The following RAD54L variants were observed in gnomAD, a reference collection of about 807,000 sequenced individuals.
The protein encoded by RAD54L is DNA repair and recombination protein RAD54-like.
A neutral mutation model predicts 91.6 loss-of-function variants in RAD54L; 74 were observed. The observed-to-expected ratio is 0.81, with a 90% CI of 0.67 to 0.98. RAD54L has a LOEUF of 0.98. Ranked by LOEUF, RAD54L falls within the 50% of genes least tolerant of loss-of-function variation. The pLI, the probability that RAD54L is intolerant of heterozygous loss-of-function variation, is 0.00. For synonymous variants in RAD54L, 304 were observed against 349.7 expected (o/e 0.87, Z 1.46); for missense variants, 887 against 945.7 (o/e 0.94, Z 0.81).
At chr1:46,260,211 C>T (rs1660070632) in intron 5 of RAD54L, 112 bp downstream of exon 5, 1 of 1,505,656 alleles carries the variant, frequency 6.6e-7, no homozygotes, top group Admixed American at 1.7e-5. Flanking sequence ...CATATGTTTT[C>T]AGAGAGTAGA....
intron 7 of RAD54L, 57 bp from the exon 8 acceptor site, chr1:46,261,204 G>GTT (rs750795604): frequency 6.4e-4 from 852 of 1,331,138 alleles, no homozygotes; most frequent in Admixed American, 7.4e-4. Context: ...TGTTTTTTTT[G>GTT]TTTTTTTTTT....
At chr1:46,253,222 G>T (rs1410611763) in intron 3 of RAD54L, among the ~76,000 whole-genome samples, 1 of 152,182 alleles carries the variant, frequency 6.6e-6, no homozygotes, top group Non-Finnish European at 1.5e-5. Flanking sequence ...ATATGAACAG[G>T]TTTGTTTATG....
At chr1:46,259,914 T>A (rs534194058) in intron 4 of RAD54L, 50 bp from the exon 5 acceptor site, 4 of 1,613,754 alleles carry the variant, frequency 2.5e-6, no homozygotes, top group African/African-American at 1.3e-5. Flanking sequence ...CTGGGCTTGC[T>A]GGAGCTCCTA....
At chr1:46,264,696 T>C (rs955164181) in intron 8 of RAD54L, among the ~76,000 whole-genome samples, 1 of 152,210 alleles carries the variant, frequency 6.6e-6, no homozygotes, top group African/African-American at 2.4e-5. Flanking sequence ...CTCAGGGAAG[T>C]GCGTAGTGAC....
rs778536245 is a variant in RAD54L, at chr1:46,277,862, A to G, written c.1915A>G (p.Lys639Glu). The G allele has an allele frequency of 2.5e-6, 4 of 1,613,018 alleles. No individual in the cohort carries two copies. Among genetic ancestry groups the G allele is most frequent in the East Asian group, 2.2e-5 (1 of 44,884 alleles). ...EKIFQRQSHK[K>E]ALSSCVVDEE... ...GATCTTCCAGCGTCAGAGCCACAAG[A>G]AGGCACTGAGCAGCTGTGTGGTGGA... Residue 639 changes from lysine to glutamate, a missense_variant, in exon 17 of 18, where the codon AAG (lysine) becomes GAG (glutamate). By Grantham distance (56) the Lys-to-Glu change is moderately conservative. Transcript: ENST00000371975.
chr1:46,254,567 C>T, intron 3 of RAD54L, among the ~76,000 whole-genome samples: 1 of 151,428 alleles, frequency 6.6e-6, no homozygotes, highest in South Asian at 2.1e-4. Context: ...AAACCCTGAG[C>T]CCTGGGGAGC....
At position 46,273,686 on chromosome 1, in the gene RAD54L, G is replaced by T; in HGVS notation, c.1549G>T (p.Val517Leu). 6.2e-7 allele frequency: 1 copy of T among 1,613,968 alleles called. No individual in the cohort carries two copies. The highest frequency in any genetic ancestry group is 8.5e-7 in the Non-Finnish European group (1 of 1,179,964). Residue 517 changes from valine (V) to leucine (L), a missense_variant, in exon 14 of 18, where the codon GTG becomes TTG. Coordinates refer to ENST00000371975, the MANE Select transcript of RAD54L (RefSeq NM_003579.4). Reference sequence around the variant, plus strand: ...CCGAAGCCGTAGCAGTGACAAAGTAGTGCTGGTGTCGAATTACACCCAGAC... The same window carrying T: ...CCGAAGCCGTAGCAGTGACAAAGTATTGCTGGTGTCGAATTACACCCAGAC... ...VTRSRSSDKVVLVSNYTQTLD... is the reference protein window; with the variant it reads ...VTRSRSSDKVLLVSNYTQTLD...
rs1347494331 is a variant in RAD54L, at chr1:46,278,352, C to G, written c.*70C>G. The G allele has an allele frequency of 1.3e-6, 2 of 1,484,340 alleles. No homozygotes were observed. Among genetic ancestry groups the G allele is most frequent in the African/African-American group, 2.8e-5 (2 of 71,770 alleles). 91.9% of individuals were successfully genotyped at this position (1,484,340 alleles called of 1,614,324 possible). A position where few individuals can be genotyped will look rare whatever the true frequency, so the allele number is the denominator to read the frequency against. On this transcript the variant is annotated 3_prime_UTR_variant, in exon 18 of 18. Transcript: ENST00000371975. ...AAAAGGGGCTCCTTGCTCCACAGGG[C>G]CCTGTTGAATTTTGTTCTCTGGGAG...
At chr1:46,256,635 TA>T (rs575077176) in intron 3 of RAD54L, among the ~76,000 whole-genome samples, 3,725 of 141,290 alleles carry the variant, frequency 0.026, 151 homozygotes, top group African/African-American at 0.085. Flanking sequence ...CCCTGTCTTT[TA>T]AAAAAAAAAA....
chr1:46,264,922 T>C (rs1210947073), intron 8 of RAD54L, among the ~76,000 whole-genome samples: 1 of 152,228 alleles, frequency 6.6e-6, no homozygotes, highest in Admixed American at 6.5e-5. Context: ...GTTGGCTTTC[T>C]CTTTTGCAGA....
chr1:46,258,732 T>A lies in RAD54L; in HGVS notation c.257T>A (p.Ile86Asn). The A allele has an allele frequency of 6.2e-7, 1 of 1,602,314 alleles. No individual in the cohort carries two copies. ...SILSKPFKVP[I>N]PNYQGPLGSR... ...TTGTCAAAGCCTTTCAAAGTCCCCATTCCAAATTATCAAGGTAAAATGGAG... is the reference window on the plus strand; with the variant it reads ...TTGTCAAAGCCTTTCAAAGTCCCCAATCCAAATTATCAAGGTAAAATGGAG... Residue 86 changes from isoleucine (I) to asparagine (N), a missense_variant, in exon 4 of 18, where the codon ATT (isoleucine) becomes AAT (asparagine). Physicochemically the swap from Ile to Asn is moderately radical, Grantham distance 149 (BLOSUM62 -3). Coordinates refer to ENST00000371975, the MANE Select transcript of RAD54L (RefSeq NM_003579.4).
At chr1:46,254,741 C>A (rs1455714827) in intron 3 of RAD54L, among the ~76,000 whole-genome samples, 5 of 152,074 alleles carry the variant, frequency 3.3e-5, no homozygotes, top group Non-Finnish European at 7.4e-5. Context: ...CGTGTGCCAC[C>A]AAACCTGGCT....
intron 6 of RAD54L, 51 bp downstream of exon 6, chr1:46,260,662 G>A: frequency 6.2e-7 from 1 of 1,613,590 alleles, no homozygotes; most frequent in Non-Finnish European, 8.5e-7. Flanking sequence ...GAGCCTGGGA[G>A]ACTACCATCC....
rs28363220 is a variant in RAD54L, at chr1:46,263,066, G to T, written c.891+1681G>T. ...GGTATGTCATAAGGCCTTGGCAAAC[G>T]TAAGCTCTTGGTGGTTATTCCAGGC... On this transcript the variant is annotated intron_variant, in intron 8 of 17. Transcript: ENST00000371975. The surrounding 1 kb of genome is among the most constrained non-coding windows in gnomAD (Gnocchi z 4.3). Among the ~76,000 whole-genome samples the T allele has an allele frequency of 6.6e-6, 1 of 152,148 alleles. No homozygotes were observed. Among genetic ancestry groups the T allele is most frequent in the Admixed American group, 6.5e-5 (1 of 15,272 alleles).
At chr1:46,273,213 T>G (rs1660487090) in intron 12 of RAD54L, 142 bp from the exon 13 acceptor site, 1 of 793,916 alleles carries the variant, frequency 1.3e-6, no homozygotes, top group South Asian at 1.4e-5. Context: ...TATATCCTGT[T>G]GGAATTTGGT....
intron 9 of RAD54L, chr1:46,267,817 A>AT: frequency 1.5e-6 from 1 of 662,844 alleles, no homozygotes; most frequent in Non-Finnish European, 2.6e-6. Context: ...CATGTTGGCC[A>AT]TTTTTCCATT....
chr1:46,256,635 TAA>T (rs575077176), intron 3 of RAD54L, among the ~76,000 whole-genome samples: 4 of 141,598 alleles, frequency 2.8e-5, no homozygotes, highest in Admixed American at 7.1e-5. Context: ...CCCTGTCTTT[TAA>T]AAAAAAAAAA....
At position 46,265,800 on chromosome 1, in the gene RAD54L, G is replaced by C. The variant is rs945318974; in HGVS notation, c.892-1659G>C. On this transcript the variant is annotated intron_variant, in intron 8 of 17. Coordinates refer to ENST00000371975, the MANE Select transcript of RAD54L (RefSeq NM_003579.4). This position sits in a 1 kb window ranked among gnomAD's most constrained non-coding sequence, Gnocchi z 4.8. The stretch of plus-strand genomic sequence containing the variant: ...TGAGGGCAGAGTGGTACAGTGTCCA[G>C]ACTCAGAGTCATACAGACCTGAGTT... 6.6e-6 allele frequency among the ~76,000 whole-genome samples: 1 copy of C among 152,156 alleles called. No individual in the cohort carries two copies. The highest frequency in any genetic ancestry group is 1.5e-5 in the Non-Finnish European group (1 of 68,028).
At chr1:46,273,138 C>T (rs1660484355) in intron 12 of RAD54L, among the ~76,000 whole-genome samples, 1 of 152,188 alleles carries the variant, frequency 6.6e-6, no homozygotes, top group Admixed American at 6.5e-5. Context: ...GTTATAGCTC[C>T]CTTCTTGTTG....
Sources: gnomAD v4.1 joint callset for allele counts (sites outside exome capture counted in the v4.1 genomes callset) on GRCh38, gnomAD v4.1.1 for gene constraint, Gnocchi (gnomAD v3.1) non-coding constraint, MANE v1.5 for transcripts, NCBI Gene and HGNC (gene_info 2026-07-23, HGNC 2026-07-21) for gene names.